The following COLEC12 variants were observed in gnomAD, a reference collection of about 807,000 sequenced individuals.
COLEC12 encodes the protein collectin subfamily member 12, also known as collectin-12.
In COLEC12, 33 loss-of-function variants were observed where a neutral mutation model predicts 71.1. The observed-to-expected ratio is 0.46, with a 90% CI of 0.35 to 0.62. The LOEUF (loss-of-function observed/expected upper bound fraction) is 0.62. COLEC12 is among the 20% of genes least tolerant of loss of function. COLEC12 has a pLI of 0.00. For synonymous variants in COLEC12, 350 were observed against 353.0 expected (o/e 0.99, Z 0.10); for missense variants, 765 against 916.1 (o/e 0.84, Z 2.13).
chr18:493,705 A>G (rs1917659066), intron 1 of COLEC12, among the ~76,000 whole-genome samples: 1 of 152,266 alleles, frequency 6.6e-6, no homozygotes, highest in Admixed American at 6.5e-5. Flanking sequence ...TGTTTAAAGA[A>G]TAAATGAAGG....
intron 2 of COLEC12, among the ~76,000 whole-genome samples, chr18:377,646 C>T (rs1915142724): frequency 6.6e-6 from 1 of 152,232 alleles, no homozygotes; most frequent in Admixed American, 6.5e-5. Flanking sequence ...TTGTTGGACC[C>T]TGCTGCACTG....
chr18:392,655 C>A (rs1289792654), intron 2 of COLEC12, among the ~76,000 whole-genome samples: 1 of 152,210 alleles, frequency 6.6e-6, no homozygotes, highest in Admixed American at 6.5e-5. Flanking sequence ...AGGGCCAAAT[C>A]TCAAAAGGTG....
chr18:491,026 A>T (rs1365545785), intron 1 of COLEC12, among the ~76,000 whole-genome samples: 4 of 152,208 alleles, frequency 2.6e-5, no homozygotes, highest in Non-Finnish European at 5.9e-5. Flanking sequence ...ACTGGTTGTT[A>T]AAATATTTAA....
Position 346,971 on chromosome 18 carries a change from C to T in COLEC12, c.651G>A (p.Arg217=), listed in dbSNP as rs751554746. 1.9e-6 allele frequency: 3 copies of T among 1,614,176 alleles called. No homozygotes were observed. Among genetic ancestry groups the T allele is most frequent in the East Asian group, 4.5e-5 (2 of 44,888 alleles). The change falls in exon 5 of 10, where the codon AGG becomes AGA. Residue 217 remains arginine (R), a synonymous_variant. Transcript: ENST00000400256. The surrounding 1 kb of genome is among the most constrained non-coding windows in gnomAD (Gnocchi z 4.0). Reference sequence around the variant, plus strand: ...ACCGCTGCAGATTCGTGATGAGGTTCCTCTGCTGCACCTGGGTCAGGTTCA... The same window carrying T: ...ACCGCTGCAGATTCGTGATGAGGTTTCTCTGCTGCACCTGGGTCAGGTTCA... ...NNLNLTQVQQ[R]NLITNLQRSV...
At chr18:479,579 C>T (rs938119985) in intron 2 of COLEC12, among the ~76,000 whole-genome samples, 2 of 152,054 alleles carry the variant, frequency 1.3e-5, no homozygotes, top group African/African-American at 2.4e-5. Context: ...CACACACACA[C>T]TCACTCACAC....
intron 2 of COLEC12, among the ~76,000 whole-genome samples, chr18:384,880 T>C (rs1011466326): frequency 2.6e-5 from 4 of 152,224 alleles, no homozygotes; most frequent in South Asian, 2.1e-4. Flanking sequence ...GGCTGGGACA[T>C]AGGAATAAGC....
At position 323,234 on chromosome 18, in the gene COLEC12, A is replaced by G. The variant is rs181444260; in HGVS notation, c.2064-1427T>C. On this transcript the variant is annotated intron_variant, in intron 8 of 9. Coordinates refer to ENST00000400256, the MANE Select transcript of COLEC12 (RefSeq NM_130386.3). ...GAGCGAGGCTCCATCTCAAAAATACATATATATATATACATTGAGTGGCCT... is the reference window on the plus strand; with the variant it reads ...GAGCGAGGCTCCATCTCAAAAATACGTATATATATATACATTGAGTGGCCT... 6.9e-4 allele frequency among the ~76,000 whole-genome samples: 104 copies of G among 151,192 alleles called. 1 individual carries two copies. Among genetic ancestry groups the G allele is most frequent in the Non-Finnish European group, 2.1e-4 (14 of 67,892 alleles).
At chr18:402,560 G>A in intron 2 of COLEC12, among the ~76,000 whole-genome samples, 1 of 152,112 alleles carries the variant, frequency 6.6e-6, no homozygotes, top group East Asian at 1.9e-4. Context: ...GGGAGGTGGG[G>A]ACGTCTCTTG....
At chr18:499,512 G>C (rs529848728) in intron 1 of COLEC12, among the ~76,000 whole-genome samples, 2 of 152,304 alleles carry the variant, frequency 1.3e-5, no homozygotes, top group African/African-American at 4.8e-5. Context: ...CGATTGCATC[G>C]CCAGGTCTGT....
At chr18:406,984 C>G (rs901387252) in intron 2 of COLEC12, among the ~76,000 whole-genome samples, 2 of 152,246 alleles carry the variant, frequency 1.3e-5, no homozygotes, top group African/African-American at 4.8e-5. Flanking sequence ...ACTCAGCAAG[C>G]CTGGGGTCTG....
intron 2 of COLEC12, among the ~76,000 whole-genome samples, chr18:427,136 G>A (rs1485319643): frequency 6.6e-6 from 1 of 152,200 alleles, no homozygotes; most frequent in Non-Finnish European, 1.5e-5. Flanking sequence ...GATGACTTGA[G>A]GGAAGAGGGT....
At chr18:431,827 A>G (rs961328730) in intron 2 of COLEC12, among the ~76,000 whole-genome samples, 3 of 152,186 alleles carry the variant, frequency 2.0e-5, no homozygotes. Flanking sequence ...CAGCAGTAGT[A>G]ATAATAAGTG....
intron 1 of COLEC12, among the ~76,000 whole-genome samples, chr18:493,759 A>C (rs1254082049): frequency 6.6e-6 from 1 of 152,270 alleles, no homozygotes; most frequent in Admixed American, 6.5e-5. Context: ...TAAAACAGAA[A>C]TATGACAGCT....
At chr18:341,306 T>G (rs1202743995) in intron 5 of COLEC12, among the ~76,000 whole-genome samples, 1 of 152,244 alleles carries the variant, frequency 6.6e-6, no homozygotes, top group Non-Finnish European at 1.5e-5. Flanking sequence ...TCAGGCTCTC[T>G]GCGTCTCAGT....
intron 5 of COLEC12, among the ~76,000 whole-genome samples, chr18:336,284 T>C (rs1328322485): frequency 6.6e-6 from 1 of 152,104 alleles, no homozygotes; most frequent in East Asian, 1.9e-4. Context: ...TGGGAAAGCC[T>C]GGTGGGACTT....
intron 2 of COLEC12, among the ~76,000 whole-genome samples, chr18:357,792 T>C (rs1914660916): frequency 6.6e-6 from 1 of 152,250 alleles, no homozygotes. Context: ...TTAATGGGGA[T>C]ACATTCTGAG....
rs569301039 is a variant in COLEC12 at position 327,743 on chromosome 18, C to T, written c.2063+3925G>A. ...CAAACTGTTTTAAAAGGATTTCACG[C>T]GTGTTGGGAGAAAAGAATAAGGGGA... is the stretch of plus-strand genomic sequence containing the variant. On this transcript the variant is annotated intron_variant, in intron 8 of 9. Transcript: ENST00000400256. This position sits in a 1 kb window ranked among gnomAD's most constrained non-coding sequence, Gnocchi z 4.0. 3.4e-4 allele frequency among the ~76,000 whole-genome samples: 52 copies of T among 152,310 alleles called. No individual in the cohort carries two copies. In the South Asian group the frequency reaches 9.7e-3, roughly 29 times the overall value.
intron 2 of COLEC12, among the ~76,000 whole-genome samples, chr18:368,615 A>G (rs954038872): frequency 1.3e-5 from 2 of 151,930 alleles, no homozygotes; most frequent in African/African-American, 4.8e-5. Flanking sequence ...CTGTAATCCC[A>G]GAACTTTGGG....
intron 2 of COLEC12, among the ~76,000 whole-genome samples, chr18:396,458 G>A (rs949146977): frequency 4.6e-5 from 7 of 152,220 alleles, no homozygotes; most frequent in Non-Finnish European, 1.0e-4. Flanking sequence ...AACCTACTCA[G>A]TGGCTTCTCC....
Sources: gnomAD v4.1 joint callset for allele counts (sites outside exome capture counted in the v4.1 genomes callset) on GRCh38, gnomAD v4.1.1 for gene constraint, Gnocchi (gnomAD v3.1) non-coding constraint, MANE v1.5 for transcripts, NCBI Gene and HGNC (gene_info 2026-07-23, HGNC 2026-07-21) for gene names.